EHBP1: variants seen among roughly 807,000 people sequenced by gnomAD.
The protein encoded by EHBP1 is EH domain-binding protein 1.
In EHBP1, 55 loss-of-function variants were observed where a neutral mutation model predicts 144.0. The ratio of observed to expected loss-of-function variants is 0.38; its 90% confidence interval spans 0.31 to 0.48. The LOEUF (loss-of-function observed/expected upper bound fraction) is 0.48, where lower values mean the gene tolerates loss of function less well. Ranked by LOEUF, EHBP1 falls within the 20% of genes least tolerant of loss-of-function variation. EHBP1 has a pLI of 0.98. For synonymous variants in EHBP1, 469 were observed against 472.7 expected (o/e 0.99, Z 0.10); for missense variants, 1,200 against 1,364.2 (o/e 0.88, Z 1.90).
chr2:62,722,269 C>T (rs1392588584), intron 2 of EHBP1, among the ~76,000 whole-genome samples: 1 of 151,878 alleles, frequency 6.6e-6, no homozygotes, highest in Non-Finnish European at 1.5e-5. Flanking sequence ...GTAGCTGGAA[C>T]TATAGGTGCA....
intron 7 of EHBP1, among the ~76,000 whole-genome samples, chr2:62,839,815 A>G (rs2047643979): frequency 6.6e-6 from 1 of 152,174 alleles, no homozygotes; most frequent in South Asian, 2.1e-4. Context: ...AGAACTACAA[A>G]CCACTGCTCA....
intron 7 of EHBP1, among the ~76,000 whole-genome samples, chr2:62,851,473 C>G (rs889900939): frequency 6.6e-6 from 1 of 152,192 alleles, no homozygotes; most frequent in Non-Finnish European, 1.5e-5. Context: ...CTCCTAACCT[C>G]TGAGTTATAC....
chr2:62,930,663 T>G (rs2055912235), intron 10 of EHBP1, among the ~76,000 whole-genome samples: 1 of 152,188 alleles, frequency 6.6e-6, no homozygotes, highest in Non-Finnish European at 1.5e-5. Context: ...AGTATGGTAC[T>G]GGCATGAAGA....
chr2:62,715,675 A>G (rs1340249556), intron 2 of EHBP1, among the ~76,000 whole-genome samples: 3 of 152,122 alleles, frequency 2.0e-5, no homozygotes. Context: ...CCCATTCTTG[A>G]TAACTGAGGT....
chr2:62,872,267 AT>A (rs1273313027), intron 9 of EHBP1, among the ~76,000 whole-genome samples: 92 of 152,052 alleles, frequency 6.1e-4, no homozygotes, highest in African/African-American at 2.0e-3. Flanking sequence ...TTTTCTCCTA[AT>A]ATAACCGATG....
intron 1 of EHBP1, among the ~76,000 whole-genome samples, chr2:62,676,728 C>T (rs1419681718): frequency 2.0e-5 from 3 of 151,772 alleles, no homozygotes; most frequent in African/African-American, 4.8e-5. Flanking sequence ...TTTAAAGGGC[C>T]TTCGCCGGTC....
At chr2:63,032,910 ATAT>A (rs1386350671) in intron 19 of EHBP1, among the ~76,000 whole-genome samples, 1 of 152,220 alleles carries the variant, frequency 6.6e-6, no homozygotes, top group Non-Finnish European at 1.5e-5. Flanking sequence ...TGTACTCTTA[ATAT>A]TATAAATATA....
At chr2:62,681,389 T>C (rs1558505224) in intron 1 of EHBP1, among the ~76,000 whole-genome samples, 1 of 139,992 alleles carries the variant, frequency 7.1e-6, no homozygotes. Flanking sequence ...ATATATAATG[T>C]GTATATATGT....
chr2:62,996,744 C>T lies in EHBP1; in HGVS notation c.3081C>T (p.Arg1027=). 6.2e-7 allele frequency: 1 copy of T among 1,612,344 alleles called. No individual in the cohort carries two copies. Among genetic ancestry groups the T allele is most frequent in the Non-Finnish European group, 8.5e-7 (1 of 1,179,328 alleles). The change falls in exon 19 of 23, where the codon CGC becomes CGT. Residue 1027 remains arginine, a synonymous_variant. Transcript: ENST00000431489. ...IDTRAALVEK[R]LRYLMDTGRN... ...CCCGTGCCGCGCTGGTGGAGAAGCG[C>T]CTTCGCTATCTCATGGACACAGGTA... is the stretch of plus-strand genomic sequence containing the variant.
At chr2:62,704,218 G>A (rs2151769104), upstream of EHBP1, among the ~76,000 whole-genome samples, 1 of 152,192 alleles carries the variant, frequency 6.6e-6, no homozygotes, top group South Asian at 2.1e-4. Flanking sequence ...CAAAATAAGC[G>A]ATAACTATGC....
At chr2:62,770,899 G>A (rs10195780) in intron 4 of EHBP1, among the ~76,000 whole-genome samples, 152,169 of 152,324 alleles carry the variant, frequency 1, 76,009 homozygotes, top group Middle Eastern at 1. Context: ...ATACTGTTGC[G>A]GGGACAGGAA....
At chr2:62,932,485 C>G (rs1263433455) in intron 10 of EHBP1, among the ~76,000 whole-genome samples, 27 of 152,040 alleles carry the variant, frequency 1.8e-4, no homozygotes, top group Admixed American at 1.7e-3. Context: ...AAGACAAATA[C>G]TGTATGATTT....
At chr2:62,777,767 G>T (rs2042147341) in intron 5 of EHBP1, among the ~76,000 whole-genome samples, 1 of 152,142 alleles carries the variant, frequency 6.6e-6, no homozygotes, top group Admixed American at 6.6e-5. Context: ...TGTTCGTAGG[G>T]TACTACAGGA....
chr2:62,936,456 T>A (rs2056394506), intron 10 of EHBP1, among the ~76,000 whole-genome samples: 1 of 152,178 alleles, frequency 6.6e-6, no homozygotes, highest in African/African-American at 2.4e-5. Flanking sequence ...GGTACTATAT[T>A]ATTATTTTTG....
intron 10 of EHBP1, among the ~76,000 whole-genome samples, chr2:62,903,897 G>A (rs890849903): frequency 6.6e-6 from 1 of 152,094 alleles, no homozygotes; most frequent in African/African-American, 2.4e-5. Flanking sequence ...TTTTTAAATA[G>A]GTCCTCACCT....
chr2:62,745,083 T>G (rs1232782432), intron 2 of EHBP1, among the ~76,000 whole-genome samples: 1 of 152,128 alleles, frequency 6.6e-6, no homozygotes, highest in Non-Finnish European at 1.5e-5. Flanking sequence ...TGATGTATTA[T>G]ATAGCTACTG....
intron 9 of EHBP1, among the ~76,000 whole-genome samples, chr2:62,868,428 T>G (rs1463873993): frequency 6.6e-6 from 1 of 152,088 alleles, no homozygotes; most frequent in African/African-American, 2.4e-5. Context: ...GAAAAAGTCT[T>G]AGTGACTTTG....
chr2:62,830,700 C>T (rs2046767638), intron 6 of EHBP1, among the ~76,000 whole-genome samples: 3 of 152,072 alleles, frequency 2.0e-5, no homozygotes, highest in South Asian at 4.1e-4. Context: ...GGTTCTTGGT[C>T]GTGAACTCTT....
intron 1 of EHBP1, among the ~76,000 whole-genome samples, chr2:62,693,435 A>G (rs1268236049): frequency 6.6e-6 from 1 of 152,162 alleles, no homozygotes; most frequent in African/African-American, 2.4e-5. Flanking sequence ...CAAGTACCTT[A>G]TCAGATATAT....
Sources: gnomAD v4.1 joint callset for allele counts (sites outside exome capture counted in the v4.1 genomes callset) on GRCh38, gnomAD v4.1.1 for gene constraint, MANE v1.5 for transcripts, NCBI Gene and HGNC (gene_info 2026-07-23, HGNC 2026-07-21) for gene names.